The following KCNIP4 variants were observed in gnomAD, a reference collection of about 807,000 sequenced individuals.
KCNIP4 encodes the protein Kv channel-interacting protein 4.
Under a neutral mutation model 34.0 loss-of-function variants are expected in KCNIP4, and 12 were observed. The observed-to-expected ratio is 0.35, with a 90% CI of 0.23 to 0.57. KCNIP4 has a LOEUF of 0.57. Among genes scored for constraint, KCNIP4 ranks in the 20% least tolerant of loss-of-function variants. KCNIP4 has a pLI of 0.83. For missense variants in KCNIP4, 238 were observed against 311.7 expected (o/e 0.76, Z 1.78); for synonymous variants, 124 against 102.2 (o/e 1.21, Z -1.29).
At chr4:21,594,070 G>A (rs1742436102) in intron 1 of KCNIP4, among the ~76,000 whole-genome samples, 1 of 151,134 alleles carries the variant, frequency 6.6e-6, no homozygotes, top group South Asian at 2.1e-4. Context: ...AGCTGAAAGG[G>A]AAAAAAAACA....
Position 20,728,916 on chromosome 4 carries a change from A to T in KCNIP4, c.*1166T>A, listed in dbSNP as rs1746892381. On this transcript the variant is annotated 3_prime_UTR_variant, in exon 9 of 9. Coordinates refer to ENST00000382152, the MANE Select transcript of KCNIP4 (RefSeq NM_025221.6). The stretch of plus-strand genomic sequence containing the variant: ...TGTGGCAACTTTACAGTTTTGGCTA[A>T]GATGATTAAAAATAATCTGAATTAT... 1 of 130,006 alleles carries T rather than the reference A, an allele frequency of 7.7e-6. No homozygotes were observed. The highest frequency in any genetic ancestry group is 1.7e-5 in the Non-Finnish European group (1 of 60,156). 8.1% of individuals were successfully genotyped at this position (130,006 alleles called of 1,614,324 possible).
At chr4:21,899,367 C>T (rs1307982610) in intron 1 of KCNIP4, among the ~76,000 whole-genome samples, 1 of 152,024 alleles carries the variant, frequency 6.6e-6, no homozygotes, top group African/African-American at 2.4e-5. Context: ...TTTCCTGTAA[C>T]ATCTGGAACA....
intron 1 of KCNIP4, among the ~76,000 whole-genome samples, chr4:20,905,669 G>A (rs572923895): frequency 7.3e-5 from 11 of 151,214 alleles, no homozygotes; most frequent in African/African-American, 1.9e-4. Flanking sequence ...GTGTCACAAC[G>A]CCTGGCTAAG....
chr4:20,865,295 C>A (rs78057396), intron 2 of KCNIP4, among the ~76,000 whole-genome samples: 1 of 151,882 alleles, frequency 6.6e-6, no homozygotes, highest in East Asian at 1.9e-4. Flanking sequence ...AGAGTAATGA[C>A]AAAAGTCAGT....
At chr4:21,760,177 C>T (rs1717949357) in intron 1 of KCNIP4, among the ~76,000 whole-genome samples, 1 of 152,160 alleles carries the variant, frequency 6.6e-6, no homozygotes, top group Non-Finnish European at 1.5e-5. Context: ...CTACTCCTTC[C>T]CCTCAAAGCT....
intron 1 of KCNIP4, among the ~76,000 whole-genome samples, chr4:21,927,521 G>T (rs114942582): frequency 6.6e-6 from 1 of 152,132 alleles, no homozygotes; most frequent in East Asian, 1.9e-4. Flanking sequence ...AAATTAGAGC[G>T]CAAAAGTGAG....
intron 2 of KCNIP4, among the ~76,000 whole-genome samples, chr4:20,879,240 C>A (rs977051274): frequency 6.6e-6 from 1 of 152,110 alleles, no homozygotes; most frequent in African/African-American, 2.4e-5. Context: ...CTGGTTGAGG[C>A]GATACTAGTG....
chr4:21,551,532 A>C (rs143846405), intron 1 of KCNIP4, among the ~76,000 whole-genome samples: 1 of 152,256 alleles, frequency 6.6e-6, no homozygotes, highest in East Asian at 1.9e-4. Context: ...ACTGTTACCA[A>C]AAAGACTAAA....
chr4:20,920,290 C>T (rs1420413617), intron 1 of KCNIP4, among the ~76,000 whole-genome samples: 1 of 152,110 alleles, frequency 6.6e-6, no homozygotes, highest in Non-Finnish European at 1.5e-5. Flanking sequence ...CCTGGACAGC[C>T]CTGCCGATAT....
chr4:20,853,499 G>A (rs371210562), intron 2 of KCNIP4, among the ~76,000 whole-genome samples: 2 of 152,268 alleles, frequency 1.3e-5, no homozygotes, highest in East Asian at 3.9e-4. Context: ...ACTCAAGATG[G>A]ATTAAGGACT....
intron 1 of KCNIP4, among the ~76,000 whole-genome samples, chr4:21,761,522 T>C (rs1013035096): frequency 1.7e-4 from 26 of 152,082 alleles, no homozygotes; most frequent in African/African-American, 5.3e-4. Context: ...CTCTCTCTTT[T>C]TTTTACAACC....
intron 1 of KCNIP4, among the ~76,000 whole-genome samples, chr4:21,724,585 C>A: frequency 6.8e-6 from 1 of 147,180 alleles, no homozygotes; most frequent in Non-Finnish European, 1.5e-5. Flanking sequence ...TTTTTTTTAA[C>A]CTCTTCAGTA....
intron 1 of KCNIP4, among the ~76,000 whole-genome samples, chr4:21,683,725 T>C (rs1014479983): frequency 5.3e-5 from 8 of 152,100 alleles, no homozygotes; most frequent in Non-Finnish European, 1.5e-5. Context: ...TCAGGATCTA[T>C]AGTATACTGT....
chr4:20,957,693 G>A (rs1000769983), intron 1 of KCNIP4, among the ~76,000 whole-genome samples: 3 of 151,926 alleles, frequency 2.0e-5, no homozygotes, highest in Non-Finnish European at 4.4e-5. Flanking sequence ...CCATGAATGC[G>A]GTCAAATAAG....
chr4:21,406,439 G>A (rs762420161), intron 1 of KCNIP4, among the ~76,000 whole-genome samples: 1 of 152,192 alleles, frequency 6.6e-6, no homozygotes, highest in Non-Finnish European at 1.5e-5. Context: ...TAACCACTGT[G>A]TTCCTCACCA....
chr4:20,985,765 T>C (rs1040361492), intron 1 of KCNIP4, among the ~76,000 whole-genome samples: 4 of 152,052 alleles, frequency 2.6e-5, no homozygotes, highest in Admixed American at 1.3e-4. Context: ...GGAGGGAAAG[T>C]CAACTCTAAT....
intron 1 of KCNIP4, among the ~76,000 whole-genome samples, chr4:21,246,344 C>T (rs375292037): frequency 6.6e-6 from 1 of 152,184 alleles, no homozygotes; most frequent in Non-Finnish European, 1.5e-5. Context: ...GTTGCAATCA[C>T]GCCAGTCCAG....
chr4:20,741,556 A>G (rs1031772847), intron 5 of KCNIP4, among the ~76,000 whole-genome samples: 5 of 152,236 alleles, frequency 3.3e-5, no homozygotes, highest in African/African-American at 1.2e-4. Flanking sequence ...AATCTCTGGG[A>G]CACATTTAAA....
chr4:21,270,344 G>A (rs1375817671), intron 1 of KCNIP4, among the ~76,000 whole-genome samples: 2 of 152,182 alleles, frequency 1.3e-5, no homozygotes, highest in Admixed American at 1.3e-4. Context: ...CAATTCTGCA[G>A]AACCCAGAAG....
Sources: gnomAD v4.1 joint callset for allele counts (sites outside exome capture counted in the v4.1 genomes callset) on GRCh38, gnomAD v4.1.1 for gene constraint, MANE v1.5 for transcripts, NCBI Gene and HGNC (gene_info 2026-07-23, HGNC 2026-07-21) for gene names.